The following FTO variants were observed in gnomAD, a reference collection of about 807,000 sequenced individuals.
FTO encodes the protein FTO alpha-ketoglutarate dependent dioxygenase.
In FTO, 47 loss-of-function variants were observed where a neutral mutation model predicts 63.9. The observed-to-expected ratio is 0.74, with a 90% confidence interval of 0.58 to 0.94. The LOEUF (loss-of-function observed/expected upper bound fraction) is 0.94. FTO is among the 40% of genes least tolerant of loss of function. The pLI is 0.00. For synonymous variants in FTO, 207 were observed against 224.4 expected (o/e 0.92, Z 0.69); for missense variants, 562 against 618.1 (o/e 0.91, Z 0.96).
chr16:53,975,608 C>T (rs1214558677), intron 8 of FTO, among the ~76,000 whole-genome samples: 1 of 151,812 alleles, frequency 6.6e-6, no homozygotes, highest in Non-Finnish European at 1.5e-5. Context: ...TACCGAGTGG[C>T]TCCCTTCAGA....
At chr16:54,012,332 A>C (rs960410681) in intron 8 of FTO, among the ~76,000 whole-genome samples, 4 of 152,232 alleles carry the variant, frequency 2.6e-5, no homozygotes, top group Non-Finnish European at 5.9e-5. Flanking sequence ...GAAGGCTGAG[A>C]GAAGTGAGAA....
intron 8 of FTO, among the ~76,000 whole-genome samples, chr16:53,949,210 TC>T (rs1403616882): frequency 1.3e-5 from 2 of 152,320 alleles, no homozygotes; most frequent in Admixed American, 6.5e-5. Flanking sequence ...CTGCTTTAGC[TC>T]CCATCTCCTC....
chr16:54,004,842 G>A lies in FTO; in HGVS notation c.1364+70733G>A, dbSNP rs8050718. 7.3e-3 allele frequency among the ~76,000 whole-genome samples: 1,110 copies of A among 152,030 alleles called. 9 individuals carry two copies. Among genetic ancestry groups the A allele is most frequent in the African/African-American group, 0.021 (886 of 41,458 alleles). ...TCCCAGTACTTTGGGAGGCTGAGGC[G>A]AGCGGATCATGAGGTGAGGAGATCA... On this transcript the variant is annotated intron_variant, in intron 8 of 8. Coordinates refer to ENST00000471389, the MANE Select transcript of FTO (RefSeq NM_001080432.3).
intron 8 of FTO, among the ~76,000 whole-genome samples, chr16:53,967,724 G>GGGTTTTA (rs1268726201): frequency 6.6e-6 from 1 of 152,180 alleles, no homozygotes; most frequent in Non-Finnish European, 1.5e-5. Context: ...CACTAAAAAG[G>GGGTTTTA]CAGAAAGACT....
chr16:53,824,158 C>T (rs78602287), intron 2 of FTO, among the ~76,000 whole-genome samples: 2,462 of 152,292 alleles, frequency 0.016, 59 homozygotes, highest in African/African-American at 0.053. Context: ...CTTCTACATC[C>T]TCCAGTGCAT....
chr16:53,993,107 T>TA (rs2143924028), intron 8 of FTO: 1 of 152,356 alleles, frequency 6.6e-6, no homozygotes, highest in Non-Finnish European at 1.5e-5. Context: ...GGAGGGTTTT[T>TA]ATGACGTTGT....
At chr16:53,767,607 G>T (rs910128636) in intron 1 of FTO, among the ~76,000 whole-genome samples, 1 of 151,630 alleles carries the variant, frequency 6.6e-6, no homozygotes, top group Non-Finnish European at 1.5e-5. Context: ...ACAGGGGAAG[G>T]TACCTCTTTT....
chr16:53,938,979 T>C (rs1482377601), intron 8 of FTO, among the ~76,000 whole-genome samples: 1 of 150,758 alleles, frequency 6.6e-6, no homozygotes, highest in Non-Finnish European at 1.5e-5. Flanking sequence ...GTGCCTGTAG[T>C]CCCAGCTACT....
chr16:53,945,106 G>A (rs1361136562), intron 8 of FTO, among the ~76,000 whole-genome samples: 1 of 152,096 alleles, frequency 6.6e-6, no homozygotes, highest in Non-Finnish European at 1.5e-5. Context: ...ATGTAAGAAA[G>A]AAGCGACTTG....
chr16:54,039,334 C>T (rs1451104890), intron 8 of FTO: 1 of 152,212 alleles, frequency 6.6e-6, no homozygotes, highest in Non-Finnish European at 1.5e-5. Flanking sequence ...GCCTATACTT[C>T]TCTGTTTCAG....
intron 8 of FTO, among the ~76,000 whole-genome samples, chr16:54,003,484 G>A (rs1380482885): frequency 6.6e-6 from 1 of 152,082 alleles, no homozygotes; most frequent in African/African-American, 2.4e-5. Context: ...CATTTCCCTA[G>A]GCTACATCTC....
At chr16:53,860,088 T>C (rs1361546884) in intron 4 of FTO, among the ~76,000 whole-genome samples, 5 of 151,776 alleles carry the variant, frequency 3.3e-5, no homozygotes, top group African/African-American at 1.2e-4. Flanking sequence ...GGTATATCTA[T>C]ATCTATATCT....
chr16:54,036,144 A>C (rs2084936004), intron 8 of FTO, among the ~76,000 whole-genome samples: 1 of 152,216 alleles, frequency 6.6e-6, no homozygotes, highest in Admixed American at 6.5e-5. Context: ...GGATTAAGGC[A>C]AAGCACAAAA....
rs763756484 is a variant in FTO at position 54,111,997 on chromosome 16, T to C, written c.*82T>C. Reference sequence around the variant, plus strand: ...TTGTCATGGGCTTAAGCAAGAGCAGTGGAGACTTCTCTTGGCCCCTAGATT... The same window carrying C: ...TTGTCATGGGCTTAAGCAAGAGCAGCGGAGACTTCTCTTGGCCCCTAGATT... On this transcript the variant is annotated 3_prime_UTR_variant, in exon 9 of 9. Coordinates refer to ENST00000471389, the MANE Select transcript of FTO (RefSeq NM_001080432.3). The C allele has an allele frequency of 6.0e-6, 9 of 1,488,856 alleles. No homozygotes were observed. The African/African-American group carries it at 1.2e-4, about 21-fold the overall frequency. 92.2% of individuals were successfully genotyped at this position (1,488,856 alleles called of 1,614,324 possible).
At chr16:53,764,839 C>T (rs1488644884) in intron 1 of FTO, among the ~76,000 whole-genome samples, 1 of 152,084 alleles carries the variant, frequency 6.6e-6, no homozygotes. Context: ...TGTGCCTCAG[C>T]CTCCCGAATA....
intron 1 of FTO, among the ~76,000 whole-genome samples, chr16:53,772,403 C>T (rs1358070775): frequency 1.3e-5 from 2 of 152,084 alleles, no homozygotes; most frequent in Non-Finnish European, 2.9e-5. Context: ...AGGAGACTTT[C>T]TCTGATTACC....
intron 8 of FTO, among the ~76,000 whole-genome samples, chr16:54,040,977 A>G (rs923024254): frequency 2.2e-4 from 33 of 152,240 alleles, no homozygotes; most frequent in Non-Finnish European, 4.6e-4. Flanking sequence ...TACAGCTATT[A>G]GTAAAATGAA....
At chr16:53,816,070 C>T (rs983702385) in intron 2 of FTO, among the ~76,000 whole-genome samples, 1 of 152,070 alleles carries the variant, frequency 6.6e-6, no homozygotes, top group Non-Finnish European at 1.5e-5. Flanking sequence ...CTCTGCTGTG[C>T]CCTCTTATCC....
chr16:53,751,896 C>T (rs542285358), intron 1 of FTO, among the ~76,000 whole-genome samples: 22 of 152,318 alleles, frequency 1.4e-4, no homozygotes, highest in African/African-American at 5.3e-4. Flanking sequence ...ATTCAAGCTG[C>T]AGTCAGGATT....
Sources: gnomAD v4.1 joint callset for allele counts (sites outside exome capture counted in the v4.1 genomes callset) on GRCh38, gnomAD v4.1.1 for gene constraint, MANE v1.5 for transcripts, NCBI Gene and HGNC (gene_info 2026-07-23, HGNC 2026-07-21) for gene names.